The following XRN1 variants were observed in gnomAD, a reference collection of about 807,000 sequenced individuals.
XRN1 encodes strand-exchange protein 1 homolog.
Under a neutral mutation model 222.3 loss-of-function variants are expected in XRN1, and 67 were observed. The ratio of observed to expected loss-of-function variants is 0.30; its 90% CI spans 0.25 to 0.37. The LOEUF (loss-of-function observed/expected upper bound fraction) is 0.37, where lower values mean the gene tolerates loss of function less well. XRN1 is among the 10% of genes least tolerant of loss of function. The pLI, the probability that XRN1 is intolerant of heterozygous loss-of-function variation, is 1.00. For synonymous variants in XRN1, 643 were observed against 652.4 expected (o/e 0.99, Z 0.22); for missense variants, 1,707 against 2,000.2 (o/e 0.85, Z 2.80).
chr3:142,395,149 T>C (rs1043300554), intron 20 of XRN1, among the ~76,000 whole-genome samples: 3 of 152,094 alleles, frequency 2.0e-5, no homozygotes, highest in African/African-American at 7.2e-5. Flanking sequence ...AAATCACAAA[T>C]AAGTAAACCC....
Position 142,404,974 on chromosome 3 carries a change from C to G in XRN1, c.1816G>C (p.Asp606His). 1.2e-6 allele frequency: 2 copies of G among 1,613,902 alleles called. No homozygotes were observed. Among genetic ancestry groups the G allele is most frequent in the Non-Finnish European group, 8.5e-7 (1 of 1,179,844 alleles). Residue 606 changes from aspartate (D) to histidine (H), a missense_variant, in exon 16 of 41, where the codon GAC becomes CAC. By Grantham distance (81) the Asp-to-His change is moderately conservative. Around this residue, in one of 2 missense-constraint regions of XRN1, gnomAD observed 1,234 missense variants for 1,518.2 expected, o/e 0.81. Coordinates refer to ENST00000392981, the MANE Select transcript of XRN1 (RefSeq NM_001282857.2). ...SECLMCWYDR[D>H]TEFIYPSPWP... The stretch of plus-strand genomic sequence containing the variant: ...GGAGAAGGATAGATAAACTCTGTGT[C>G]TCTATCATACCAGCACATTAGGCAC...
At position 142,355,428 on chromosome 3, in the gene XRN1, T is replaced by C. The variant is rs572099678; in HGVS notation, c.3741A>G (p.Gln1247=). Residue 1247 remains glutamine, a synonymous_variant, in exon 32 of 41, where the codon CAA becomes CAG. Transcript: ENST00000392981. The stretch of plus-strand genomic sequence containing the variant: ...TCTCTTGTATAGTTGGCTGAAAGTA[T>C]TGCATCTTTCCAGATCCCTGTAAGG... The part of the protein sequence containing the change: ...WQSLQGSGKM[Q]YFQPTIQEKG... 6.3e-6 allele frequency: 10 copies of C among 1,583,350 alleles called. No individual in the cohort carries two copies. The East Asian group carries it at 1.1e-4, about 18-fold the overall frequency.
chr3:142,326,801 T>C (rs1330147984), intron 37 of XRN1, among the ~76,000 whole-genome samples: 1 of 152,152 alleles, frequency 6.6e-6, no homozygotes, highest in Non-Finnish European at 1.5e-5. Flanking sequence ...GTTCCTTCTA[T>C]ACCCAGTTTG....
chr3:142,403,545 G>C, intron 18 of XRN1, 129 bp downstream of exon 18: 1 of 737,836 alleles, frequency 1.4e-6, no homozygotes, highest in South Asian at 2.0e-5. Context: ...ATGTTTCTTT[G>C]CTTCATCCTT....
In XRN1 at chr3:142,402,381, C is replaced by T. The variant is rs189606607; in HGVS notation, c.2103+1293G>A. ...TATTTTCAGTAGAGATGGGGTTTCA[C>T]CATGTTGGCCAGACTTGTCTTGAAC... On this transcript the variant is annotated intron_variant, in intron 18 of 40. Coordinates refer to ENST00000392981, the MANE Select transcript of XRN1 (RefSeq NM_001282857.2). 5.3e-5 allele frequency among the ~76,000 whole-genome samples: 8 copies of T among 152,152 alleles called. No homozygotes were observed. The East Asian group carries it at 1.5e-3, about 29-fold the overall frequency.
At chr3:142,339,880 A>G (rs2065944303) in intron 33 of XRN1, among the ~76,000 whole-genome samples, 1 of 152,234 alleles carries the variant, frequency 6.6e-6, no homozygotes, top group Non-Finnish European at 1.5e-5. Flanking sequence ...TCTAGATAAC[A>G]CAGAGAAAGA....
intron 10 of XRN1, 101 bp from the exon 11 acceptor site, chr3:142,418,982 A>C (rs2068899350): frequency 9.6e-7 from 1 of 1,044,844 alleles, no homozygotes; most frequent in Middle Eastern, 2.0e-4. Flanking sequence ...TAGTTCTTCC[A>C]TGTTATAACA....
intron 1 of XRN1, among the ~76,000 whole-genome samples, chr3:142,440,849 GC>G (rs1023564445): frequency 4.6e-5 from 7 of 152,034 alleles, no homozygotes; most frequent in Non-Finnish European, 7.4e-5. Context: ...CCTTTGAAGA[GC>G]CTTCGAACCC....
chr3:142,410,652 G>A (rs918729427), intron 15 of XRN1, among the ~76,000 whole-genome samples: 2 of 151,538 alleles, frequency 1.3e-5, no homozygotes, highest in African/African-American at 2.4e-5. Flanking sequence ...CCACCACCAC[G>A]CCCTGCTAAT....
chr3:142,341,916 G>A (rs1192716447), intron 33 of XRN1, among the ~76,000 whole-genome samples: 1 of 152,086 alleles, frequency 6.6e-6, no homozygotes, highest in Non-Finnish European at 1.5e-5. Flanking sequence ...TCCAACACTG[G>A]AGCACCCAGG....
intron 3 of XRN1, 68 bp downstream of exon 3, chr3:142,426,676 T>C: frequency 6.9e-7 from 1 of 1,442,260 alleles, no homozygotes; most frequent in Non-Finnish European, 9.6e-7. Context: ...GAAAATAAAA[T>C]ACATTTAAAA....
chr3:142,397,942 T>C (rs1437987505), intron 19 of XRN1, among the ~76,000 whole-genome samples: 6 of 152,284 alleles, frequency 3.9e-5, no homozygotes, highest in Middle Eastern at 3.4e-3. Flanking sequence ...ACAATTATTA[T>C]GTATCAAAAA....
chr3:142,445,567 T>A (rs1394364755), intron 1 of XRN1, among the ~76,000 whole-genome samples: 2 of 152,246 alleles, frequency 1.3e-5, no homozygotes, highest in African/African-American at 4.8e-5. Context: ...TACAGTGGTT[T>A]GCTTTGTGGT....
At chr3:142,434,407 C>T (rs1397287542) in intron 1 of XRN1, among the ~76,000 whole-genome samples, 1 of 151,820 alleles carries the variant, frequency 6.6e-6, no homozygotes, top group South Asian at 2.1e-4. Flanking sequence ...CGAGCTCAAG[C>T]GATTTGCCTG....
intron 15 of XRN1, among the ~76,000 whole-genome samples, 189 bp downstream of exon 15, chr3:142,412,355 T>C (rs1190770939): frequency 6.6e-6 from 1 of 152,228 alleles, no homozygotes; most frequent in Non-Finnish European, 1.5e-5. Context: ...CTTTGTCTAA[T>C]AATAGTAAAG....
chr3:142,440,854 C>T (rs1485489498), intron 1 of XRN1, among the ~76,000 whole-genome samples: 2 of 152,170 alleles, frequency 1.3e-5, no homozygotes, highest in East Asian at 3.8e-4. Context: ...GAAGAGCCTT[C>T]GAACCCAACG....
At chr3:142,318,982 T>C in intron 37 of XRN1, 79 bp from the exon 38 acceptor site, 1 of 1,153,912 alleles carries the variant, frequency 8.7e-7, no homozygotes, top group South Asian at 1.6e-5. Flanking sequence ...TCTAAACAAG[T>C]AAAATAATTT....
chr3:142,407,666 G>A (rs1158899417), intron 15 of XRN1: 7 of 151,976 alleles, frequency 4.6e-5, no homozygotes, highest in Non-Finnish European at 1.0e-4. Context: ...TTTTAGCATG[G>A]AATGCTTCAT....
Position 142,404,031 on chromosome 3 carries a change from TACAA to T in XRN1, c.1884-46_1884-43del, listed in dbSNP as rs764865051. The T allele has an allele frequency of 1.2e-5, 18 of 1,450,112 alleles. No homozygotes were observed. The East Asian group carries it at 2.3e-4, about 18-fold the overall frequency. 89.8% of individuals were successfully genotyped at this position (1,450,112 alleles called of 1,614,324 possible). On this transcript the variant is annotated intron_variant, in intron 16 of 40. Coordinates refer to ENST00000392981, the MANE Select transcript of XRN1 (RefSeq NM_001282857.2). ...GGCATTTAATTTAAAATTAATACAT[TACAA>T]ACAATTACAGTTTTTTAACTTTCCC...
Sources: allele counts gnomAD v4.1 joint callset (sites outside exome capture counted in the v4.1 genomes callset), GRCh38; gene constraint gnomAD v4.1.1; regional missense constraint gnomAD v4.1.1; transcripts MANE v1.5; gene names NCBI Gene and HGNC (gene_info 2026-07-23, HGNC 2026-07-21).